Variants in AMPH observed in about 807,000 individuals in gnomAD.
AMPH encodes amphiphysin (Stiff-Mann syndrome with breast cancer 128kD autoantigen).
In AMPH, 49 loss-of-function variants were observed where a neutral mutation model predicts 99.1. The observed-to-expected ratio is 0.49, with a 90% confidence interval of 0.39 to 0.63. The LOEUF (loss-of-function observed/expected upper bound fraction) is 0.63, where lower values mean the gene tolerates loss of function less well. Ranked by LOEUF, AMPH falls within the 20% of genes least tolerant of loss-of-function variation. The probability of loss-of-function intolerance (pLI) is 0.00; values close to 1 mark genes in which losing one functional copy is unlikely to be tolerated. For missense variants in AMPH, 759 were observed against 863.4 expected (o/e 0.88, Z 1.52); for synonymous variants, 314 against 317.3 (o/e 0.99, Z 0.11).
chr7:38,389,224 T>C (rs1228379685), intron 20 of AMPH, among the ~76,000 whole-genome samples: 1 of 152,202 alleles, frequency 6.6e-6, no homozygotes, highest in Non-Finnish European at 1.5e-5. Flanking sequence ...TCACATATTT[T>C]ATGAATGAGA....
intron 16 of AMPH, among the ~76,000 whole-genome samples, chr7:38,420,271 C>G (rs2215953): frequency 0.99 from 151,095 of 152,364 alleles, 74,922 homozygotes; most frequent in East Asian, 1. Flanking sequence ...ATGTAAAATT[C>G]TAAGTATTTT....
At chr7:38,584,187 G>T (rs1792565796) in intron 1 of AMPH, among the ~76,000 whole-genome samples, 1 of 152,062 alleles carries the variant, frequency 6.6e-6, no homozygotes, top group South Asian at 2.1e-4. Context: ...AGGCTACTGG[G>T]AGCACCTTCA....
At chr7:38,620,584 CACA>C (rs1289644313) in intron 1 of AMPH, among the ~76,000 whole-genome samples, 3 of 147,330 alleles carry the variant, frequency 2.0e-5, no homozygotes, top group Non-Finnish European at 4.5e-5. Flanking sequence ...CACACACACA[CACA>C]CACGTGCAAT....
intron 1 of AMPH, among the ~76,000 whole-genome samples, chr7:38,590,902 T>C (rs1792832642): frequency 6.6e-6 from 1 of 152,142 alleles, no homozygotes; most frequent in Admixed American, 6.5e-5. Flanking sequence ...AATGTAAGAG[T>C]AAAAATGTCC....
chr7:38,580,879 C>T (rs1435783076), intron 1 of AMPH, among the ~76,000 whole-genome samples: 2 of 152,170 alleles, frequency 1.3e-5, no homozygotes, highest in Non-Finnish European at 2.9e-5. Flanking sequence ...ATCAAAGTCA[C>T]ATCTTATTAC....
chr7:38,384,779 A>C lies in AMPH; in HGVS notation c.*39T>G. ...CTTCAGGTTTTCATGAAGGTTTAAAAACCCCGTAACTGAGCTCCTTCTTGC... is the reference window on the plus strand; with the variant it reads ...CTTCAGGTTTTCATGAAGGTTTAAACACCCCGTAACTGAGCTCCTTCTTGC... On this transcript the variant is annotated 3_prime_UTR_variant, in exon 21 of 21. Transcript: ENST00000356264. 463 of 1,545,354 alleles carry C rather than the reference A, an allele frequency of 3.0e-4. No homozygotes were observed. Among genetic ancestry groups the C allele is most frequent in the Non-Finnish European group, 3.7e-4 (415 of 1,118,576 alleles).
intron 2 of AMPH, among the ~76,000 whole-genome samples, chr7:38,522,717 G>A (rs976618023): frequency 6.6e-6 from 1 of 152,160 alleles, no homozygotes; most frequent in African/African-American, 2.4e-5. Context: ...TGGTCAGGAG[G>A]CTGGTTACAT....
chr7:38,595,630 T>C (rs576975230), intron 1 of AMPH, among the ~76,000 whole-genome samples: 10 of 152,336 alleles, frequency 6.6e-5, no homozygotes, highest in South Asian at 2.1e-4. Context: ...CATGGGTATA[T>C]TGCTTGATGC....
At position 38,389,831 on chromosome 7, in the gene AMPH, C is replaced by T; in HGVS notation, c.1953G>A (p.Val651=). The part of the protein sequence containing the change: ...LTLQRGDVVL[V]VPSDSEADQD... ...GATCAGCTTCTGAATCTGAGGGGAC[C>T]ACCAGCACCACATCACCCCTTTGTA... The change falls in exon 20 of 21, where the codon GTG becomes GTA. Residue 651 remains valine, a synonymous_variant. Coordinates refer to ENST00000356264, the MANE Select transcript of AMPH (RefSeq NM_001635.4). 1.9e-6 allele frequency: 3 copies of T among 1,613,952 alleles called. No homozygotes were observed. Among genetic ancestry groups the T allele is most frequent in the Non-Finnish European group, 1.7e-6 (2 of 1,179,972 alleles).
chr7:38,394,297 C>A (rs944540649), intron 17 of AMPH, 83 bp from the exon 18 acceptor site: 23 of 1,424,066 alleles, frequency 1.6e-5, no homozygotes, highest in Middle Eastern at 2.4e-4. Flanking sequence ...TTCTAATCTC[C>A]CCTCTGTGGA....
intron 6 of AMPH, among the ~76,000 whole-genome samples, chr7:38,476,594 GCAGA>G (rs1457699167): frequency 1.3e-5 from 2 of 152,186 alleles, no homozygotes; most frequent in East Asian, 3.9e-4. Context: ...CTAAGGAAGT[GCAGA>G]CACACTACTT....
intron 13 of AMPH, 49 bp downstream of exon 13, chr7:38,432,140 A>G: frequency 6.5e-7 from 1 of 1,529,044 alleles, no homozygotes; most frequent in Non-Finnish European, 9.1e-7. Flanking sequence ...AGGTTTCCAA[A>G]TTTCTGGGGA....
At chr7:38,592,053 A>G (rs1022780880) in intron 1 of AMPH, among the ~76,000 whole-genome samples, 9 of 152,214 alleles carry the variant, frequency 5.9e-5, no homozygotes, top group Non-Finnish European at 1.2e-4. Flanking sequence ...AGTTTCTATT[A>G]TAGATTAACT....
chr7:38,472,338 A>C (rs765465991), intron 7 of AMPH, among the ~76,000 whole-genome samples: 2 of 152,166 alleles, frequency 1.3e-5, no homozygotes, highest in Non-Finnish European at 2.9e-5. Context: ...GACTAAATGC[A>C]ATCTCATTTT....
intron 5 of AMPH, among the ~76,000 whole-genome samples, chr7:38,479,268 T>C (rs920888674): frequency 3.3e-5 from 5 of 152,044 alleles, no homozygotes; most frequent in East Asian, 1.9e-4. Context: ...CCAGAACACA[T>C]TGGATGATAT....
chr7:38,588,796 A>G (rs73692791), intron 1 of AMPH, among the ~76,000 whole-genome samples: 1 of 152,128 alleles, frequency 6.6e-6, no homozygotes, highest in African/African-American at 2.4e-5. Flanking sequence ...ATTACTTCCA[A>G]ACTATCATTA....
chr7:38,525,477 T>A (rs1384302592), intron 2 of AMPH, among the ~76,000 whole-genome samples: 2 of 151,486 alleles, frequency 1.3e-5, no homozygotes, highest in African/African-American at 2.4e-5. Context: ...TGTGTGTGTG[T>A]GTGTTTAGTT....
chr7:38,522,394 A>T (rs1267551625), intron 2 of AMPH, among the ~76,000 whole-genome samples: 1 of 152,144 alleles, frequency 6.6e-6, no homozygotes, highest in Non-Finnish European at 1.5e-5. Context: ...TCCATTATGA[A>T]ATTGAATTAG....
intron 2 of AMPH, among the ~76,000 whole-genome samples, chr7:38,525,277 T>TATATATATATATAGAGAGAG (rs1481528083): frequency 3.6e-4 from 31 of 86,634 alleles, no homozygotes; most frequent in African/African-American, 1.5e-3. Context: ...TATATATATA[T>TATATATATATATAGAGAGAG]AGAGAGAGAG....
Sources: gnomAD v4.1 joint callset for allele counts (sites outside exome capture counted in the v4.1 genomes callset) on GRCh38, gnomAD v4.1.1 for gene constraint, MANE v1.5 for transcripts, NCBI Gene and HGNC (gene_info 2026-07-23, HGNC 2026-07-21) for gene names.